The following SMTNL2 variants were observed in gnomAD, a reference collection of about 807,000 sequenced individuals.
SMTNL2 encodes smoothelin like 2, also known as smoothelin-like protein 2.
A neutral mutation model predicts 44.1 loss-of-function variants in SMTNL2; 43 were observed. The observed-to-expected ratio is 0.98, with a 90% CI of 0.76 to 1.26. The LOEUF (loss-of-function observed/expected upper bound fraction) is 1.26, where lower values mean the gene tolerates loss of function less well. SMTNL2 is among the 50% of genes most tolerant of loss of function. SMTNL2 has a pLI of 0.00. For synonymous variants in SMTNL2, 317 were observed against 287.6 expected (o/e 1.10, Z -1.03); for missense variants, 646 against 670.2 (o/e 0.96, Z 0.40).
At chr17:4,596,423 T>A (rs1315823266) in intron 5 of SMTNL2, among the ~76,000 whole-genome samples, 1 of 152,152 alleles carries the variant, frequency 6.6e-6, no homozygotes, top group African/African-American at 2.4e-5. Context: ...CCCTCCTGGC[T>A]AGGAAAGAGC....
chr17:4,604,184 C>T (rs1910168215), intron 7 of SMTNL2, among the ~76,000 whole-genome samples: 1 of 152,150 alleles, frequency 6.6e-6, no homozygotes, highest in Non-Finnish European at 1.5e-5. Context: ...CGACAAAGCA[C>T]CTTTGCACGC....
Position 4,595,759 on chromosome 17 carries a change from A to G in SMTNL2, c.989+432A>G, listed in dbSNP as rs1391255663. On this transcript the variant is annotated intron_variant, in intron 5 of 7. Transcript: ENST00000389313. The surrounding 1 kb of genome is among the most constrained non-coding windows in gnomAD (Gnocchi z 5.1). Reference sequence around the variant, plus strand: ...AGCATGGGGTTGGTCTTGCCCAAGGACCGAAGGTGATGCCACGGGGCCGAG... The same window carrying G: ...AGCATGGGGTTGGTCTTGCCCAAGGGCCGAAGGTGATGCCACGGGGCCGAG... Among the ~76,000 whole-genome samples, 3 of 152,268 alleles carry G rather than the reference A, an allele frequency of 2.0e-5. No homozygotes were observed. The East Asian group carries it at 5.8e-4, about 30-fold the overall frequency.
Position 4,584,730 on chromosome 17 carries a change from T to G in SMTNL2, c.125T>G (p.Val42Gly). The change falls in exon 1 of 8, where the codon GTG (valine) becomes GGG (glycine). Residue 42 changes from valine to glycine, a missense_variant. Physicochemically the swap from Val to Gly is moderately radical, Grantham distance 109 (BLOSUM62 -3). Transcript: ENST00000389313. ...HEDMRGLQRG[V>G]ERRVAEAMRL... ...GACATGCGGGGGCTGCAGCGCGGCGTGGAGCGGCGAGTGGCAGAGGCGATG... is the reference window on the plus strand; with the variant it reads ...GACATGCGGGGGCTGCAGCGCGGCGGGGAGCGGCGAGTGGCAGAGGCGATG... The G allele has an allele frequency of 7.7e-7, 1 of 1,306,202 alleles. No individual in the cohort carries two copies. The highest frequency in any genetic ancestry group is 9.7e-7 in the Non-Finnish European group (1 of 1,031,302). The allele number at this position is 1,306,202 out of a possible 1,614,324, so 80.9% of individuals were successfully genotyped here.
chr17:4,600,289 C>T lies in SMTNL2; in HGVS notation c.1259+2966C>T, dbSNP rs543953933. 4.8e-3 allele frequency among the ~76,000 whole-genome samples: 724 copies of T among 152,254 alleles called. 6 individuals carry two copies. The highest frequency in any genetic ancestry group is 3.3e-3 in the Non-Finnish European group (225 of 68,024). On this transcript the variant is annotated intron_variant, in intron 7 of 7. Coordinates refer to ENST00000389313, the MANE Select transcript of SMTNL2 (RefSeq NM_001114974.2). This position sits in a 1 kb window ranked among gnomAD's most constrained non-coding sequence, Gnocchi z 4.7. ...AGCTGTCAGTGTCCTCACCGATGTT[C>T]CTGAGGTTTGCGGCAAAGGCTGAGC...
chr17:4,589,897 C>T (rs1404067131), intron 1 of SMTNL2, among the ~76,000 whole-genome samples: 1 of 134,722 alleles, frequency 7.4e-6, no homozygotes, highest in Admixed American at 7.6e-5. Flanking sequence ...ATTTCCTCTT[C>T]ACCTTTTCCT....
chr17:4,594,054 C>T (rs1314771273), intron 4 of SMTNL2, among the ~76,000 whole-genome samples, 157 bp downstream of exon 4: 2 of 152,046 alleles, frequency 1.3e-5, no homozygotes, highest in South Asian at 4.2e-4. Context: ...GGGGGAAGGT[C>T]TGAGCAGGGG....
In SMTNL2 at chr17:4,607,771, A is replaced by T. The variant is rs1910340954; in HGVS notation, c.*284A>T. On this transcript the variant is annotated 3_prime_UTR_variant, in exon 8 of 8. Coordinates refer to ENST00000389313, the MANE Select transcript of SMTNL2 (RefSeq NM_001114974.2). The surrounding 1 kb of genome is among the most constrained non-coding windows in gnomAD (Gnocchi z 4.7). ...GTGCTAAGTAATGATCTTCCTAAAG[A>T]AATGCTTGTGTTTATAGCTTCCAGA... The T allele has an allele frequency of 3.1e-6, 1 of 325,092 alleles. No individual in the cohort carries two copies. Among genetic ancestry groups the T allele is most frequent in the South Asian group, 8.1e-5 (1 of 12,374 alleles). 20.1% of individuals were successfully genotyped at this position (325,092 alleles called of 1,614,324 possible).
chr17:4,591,942 C>T (rs1027156649), intron 1 of SMTNL2, among the ~76,000 whole-genome samples: 12 of 152,248 alleles, frequency 7.9e-5, no homozygotes, highest in Non-Finnish European at 1.6e-4. Context: ...CCAGAAGGAC[C>T]TGGTGCCACT....
Position 4,584,990 on chromosome 17 carries a change from T to TCCGG in SMTNL2, c.389_392dup (p.Gly132ProfsTer9). 1 of 1,369,694 alleles carries TCCGG rather than the reference T, an allele frequency of 7.3e-7. No homozygotes were observed. Among genetic ancestry groups the TCCGG allele is most frequent in the Non-Finnish European group, 9.4e-7 (1 of 1,063,354 alleles). The allele number at this position is 1,369,694 out of a possible 1,614,324, so 84.8% of individuals were successfully genotyped here. On this transcript the variant is annotated frameshift_variant, in exon 1 of 8. Transcript: ENST00000389313. LOFTEE classifies it high-confidence loss of function. ...CGCCAGCCACGCCACCTTCTCGCTGTCCGGCCGCGGCCAGGTGAGCCCGGG... is the reference window on the plus strand; with the variant it reads ...CGCCAGCCACGCCACCTTCTCGCTGTCCGGCCGGCCGCGGCCAGGTGAGCCCGGG...
intron 3 of SMTNL2, 58 bp from the exon 4 acceptor site, chr17:4,593,764 T>C (rs1215872542): frequency 2.5e-5 from 39 of 1,541,734 alleles, no homozygotes; most frequent in Non-Finnish European, 3.2e-5. Context: ...GAAGGGAGGC[T>C]ATGGCGGGCC....
Position 4,595,110 on chromosome 17 carries a change from G to A in SMTNL2, c.807-35G>A, listed in dbSNP as rs139886928. The A allele has an allele frequency of 3.3e-4, 531 of 1,612,748 alleles. 1 individual carries two copies. The African/African-American group carries it at 5.6e-3, about 17-fold the overall frequency. The stretch of plus-strand genomic sequence containing the variant: ...GCCTGGTGAGCTAGTGATGGCTGCT[G>A]GGCCCAGGTCCCAACTCGGCGATTC... On this transcript the variant is annotated intron_variant, in intron 4 of 7. Transcript: ENST00000389313. The surrounding 1 kb of genome is among the most constrained non-coding windows in gnomAD (Gnocchi z 5.1).
chr17:4,596,654 A>C (rs1306331773), intron 5 of SMTNL2, among the ~76,000 whole-genome samples: 1 of 152,120 alleles, frequency 6.6e-6, no homozygotes, highest in East Asian at 1.9e-4. Context: ...CATACCATCA[A>C]AGGAGGCTGT....
At position 4,608,000 on chromosome 17, in the gene SMTNL2, A is replaced by G. The variant is rs1910353591; in HGVS notation, c.*513A>G. 1.3e-5 allele frequency: 2 copies of G among 152,388 alleles called. No homozygotes were observed. Among genetic ancestry groups the G allele is most frequent in the Non-Finnish European group, 1.5e-5 (1 of 68,218 alleles). 9.4% of individuals were successfully genotyped at this position (152,388 alleles called of 1,614,324 possible). ...CAGCAGCTTGACAAAGAAGACCTCA[A>G]GTCTTGGGAAGAAACAGTTTAATCA... On this transcript the variant is annotated 3_prime_UTR_variant, in exon 8 of 8. Transcript: ENST00000389313. This position sits in a 1 kb window ranked among gnomAD's most constrained non-coding sequence, Gnocchi z 4.7.
Position 4,605,600 on chromosome 17 carries a change from G to A in SMTNL2, c.1260-1761G>A, listed in dbSNP as rs553628197. On this transcript the variant is annotated intron_variant, in intron 7 of 7. Coordinates refer to ENST00000389313, the MANE Select transcript of SMTNL2 (RefSeq NM_001114974.2). ...AAACTGAAGCCCGGAGAAATGAAGT[G>A]TGTTGCCCACAGATATATAGCTCGG... 2.0e-5 allele frequency among the ~76,000 whole-genome samples: 3 copies of A among 152,306 alleles called. No individual in the cohort carries two copies. The South Asian group carries it at 6.2e-4, about 32-fold the overall frequency.
chr17:4,588,857 A>G (rs1158202897), intron 1 of SMTNL2, among the ~76,000 whole-genome samples: 3 of 152,212 alleles, frequency 2.0e-5, no homozygotes, highest in Non-Finnish European at 4.4e-5. Flanking sequence ...TGGCTCTGCC[A>G]CTACCTTTAG....
intron 4 of SMTNL2, among the ~76,000 whole-genome samples, chr17:4,594,657 C>A (rs1050481507): frequency 2.6e-5 from 4 of 151,838 alleles, no homozygotes; most frequent in Admixed American, 6.6e-5. Flanking sequence ...AGGCCTCCCC[C>A]CAGCCAGCCA....
intron 7 of SMTNL2, among the ~76,000 whole-genome samples, chr17:4,602,603 T>C (rs369893778): frequency 1.7e-4 from 26 of 152,032 alleles, no homozygotes; most frequent in East Asian, 1.5e-3. Flanking sequence ...GATTACAGGC[T>C]TGAGCCACGG....
intron 6 of SMTNL2, 35 bp from the exon 7 acceptor site, chr17:4,597,137 G>A (rs1265214826): frequency 6.3e-7 from 1 of 1,596,094 alleles, no homozygotes; most frequent in South Asian, 1.1e-5. Flanking sequence ...GTGCCCAGCT[G>A]CCCTCCCGCA....
intron 1 of SMTNL2, among the ~76,000 whole-genome samples, chr17:4,591,214 G>A (rs376338228): frequency 2.6e-5 from 4 of 152,308 alleles, no homozygotes; most frequent in South Asian, 2.1e-4. Context: ...GGCACCTCCC[G>A]CACTGGTTGC....
Sources: gnomAD v4.1 joint callset for allele counts (sites outside exome capture counted in the v4.1 genomes callset) on GRCh38, gnomAD v4.1.1 for gene constraint, Gnocchi (gnomAD v3.1) non-coding constraint, MANE v1.5 for transcripts, NCBI Gene and HGNC (gene_info 2026-07-23, HGNC 2026-07-21) for gene names.